Variants in UBR3 observed in about 807,000 individuals in gnomAD.
The protein encoded by UBR3 is E3 ubiquitin-protein ligase UBR3.
A neutral mutation model predicts 243.2 loss-of-function variants in UBR3; 85 were observed. The ratio of observed to expected loss-of-function variants is 0.35; its 90% CI spans 0.29 to 0.42. UBR3 has a LOEUF of 0.42. Among genes scored for constraint, UBR3 ranks in the 10% least tolerant of loss-of-function variants. UBR3 has a pLI of 1.00. For missense variants in UBR3, 1,686 were observed against 2,300.8 expected (o/e 0.73, Z 5.47); for synonymous variants, 748 against 799.8 (o/e 0.94, Z 1.09).
chr2:169,985,759 G>A (rs1302106683), intron 24 of UBR3, among the ~76,000 whole-genome samples: 9 of 151,940 alleles, frequency 5.9e-5, no homozygotes, highest in African/African-American at 1.9e-4. Flanking sequence ...TTTCCTCTCA[G>A]TCATTCTTCA....
chr2:170,041,545 TTATTA>T (rs1255914020), intron 32 of UBR3, among the ~76,000 whole-genome samples: 4 of 152,180 alleles, frequency 2.6e-5, no homozygotes, highest in African/African-American at 9.7e-5. Flanking sequence ...TATCATAACA[TTATTA>T]TATTAACAGC....
intron 1 of UBR3, among the ~76,000 whole-genome samples, chr2:169,845,546 TTCTTCTTTC>T (rs1380950491): frequency 6.8e-6 from 1 of 147,838 alleles, no homozygotes; most frequent in East Asian, 2.0e-4. Flanking sequence ...CTTCTTCTTC[TTCTTCTTTC>T]TTCTTCTTCT....
intron 3 of UBR3, 119 bp downstream of exon 3, chr2:169,876,068 GTTA>G (rs2083591809): frequency 3.0e-6 from 2 of 658,144 alleles, no homozygotes; most frequent in African/African-American, 3.9e-5. Flanking sequence ...AAAGCTGGAA[GTTA>G]TTAAGAGAAC....
At position 170,030,119 on chromosome 2, in the gene UBR3, C is replaced by T. The variant is rs146066038; in HGVS notation, c.4556+671C>T. ...ATATTTGATGTGTTTCACTCCATTT[C>T]AATCTTTCCTCTTTTTGATACAAAT... On this transcript the variant is annotated intron_variant, in intron 31 of 38. Coordinates refer to ENST00000272793, the MANE Select transcript of UBR3 (RefSeq NM_172070.4). 1.9e-4 allele frequency among the ~76,000 whole-genome samples: 29 copies of T among 152,158 alleles called. 1 individual carries two copies. The Middle Eastern group carries it at 0.01, about 54-fold the overall frequency.
intron 1 of UBR3, among the ~76,000 whole-genome samples, chr2:169,831,633 G>A (rs1467746044): frequency 6.6e-6 from 1 of 151,934 alleles, no homozygotes; most frequent in Non-Finnish European, 1.5e-5. Context: ...AATTTTCCTG[G>A]GCTATACAGC....
Position 169,927,387 on chromosome 2 carries a change from C to T in UBR3, c.2406C>T (p.His802=), listed in dbSNP as rs2085948661. 6.5e-7 allele frequency: 1 copy of T among 1,549,902 alleles called. No individual in the cohort carries two copies. ...VAQLCMNDRT[H]SSLLDLIPEN... ...AGCTGTGTATGAATGACAGGACACA[C>T]AGTTCATTGCTGGACCTCATATCCT... Residue 802 remains histidine, a synonymous_variant, in exon 17 of 39, where the codon CAC becomes CAT. Coordinates refer to ENST00000272793, the MANE Select transcript of UBR3 (RefSeq NM_172070.4).
At chr2:169,839,006 T>G (rs975347778) in intron 1 of UBR3, among the ~76,000 whole-genome samples, 2 of 152,180 alleles carry the variant, frequency 1.3e-5, no homozygotes, top group Non-Finnish European at 2.9e-5. Context: ...GATCCAGTAA[T>G]TCCACTACTG....
chr2:169,890,569 A>ATATATATGTG (rs2084321668), intron 5 of UBR3, among the ~76,000 whole-genome samples: 1 of 101,572 alleles, frequency 9.8e-6, no homozygotes, highest in Non-Finnish European at 2.0e-5. Flanking sequence ...ATATATGTGT[A>ATATATATGTG]TATATATATA....
At chr2:169,920,235 A>T (rs1030432359) in intron 11 of UBR3, among the ~76,000 whole-genome samples, 1 of 152,150 alleles carries the variant, frequency 6.6e-6, no homozygotes, top group African/African-American at 2.4e-5. Context: ...CAAACACCGC[A>T]TGTTCTCACT....
intron 10 of UBR3, among the ~76,000 whole-genome samples, chr2:169,910,065 G>C (rs1195153936): frequency 6.6e-6 from 1 of 152,048 alleles, no homozygotes; most frequent in African/African-American, 2.4e-5. Context: ...GCTTTAAATA[G>C]GTTAAGTTTG....
Position 169,942,464 on chromosome 2 carries a change from C to A in UBR3, c.2664-29C>A. The A allele has an allele frequency of 3.3e-6, 5 of 1,522,588 alleles. No homozygotes were observed. In the South Asian group the frequency reaches 6.3e-5, roughly 19 times the overall value. The allele number at this position is 1,522,588 out of a possible 1,614,324, so 94.3% of individuals were successfully genotyped here. A position where few individuals can be genotyped will look rare whatever the true frequency, so the allele number is the denominator to read the frequency against. On this transcript the variant is annotated intron_variant, in intron 19 of 38. Coordinates refer to ENST00000272793, the MANE Select transcript of UBR3 (RefSeq NM_172070.4). ...CACAGTTTGATTTTGAGGCTATCAT[C>A]TAATTCTAGTTTTGTTTTATTTTTA... is the stretch of plus-strand genomic sequence containing the variant.
At chr2:169,958,184 A>G (rs754650436) in intron 23 of UBR3, among the ~76,000 whole-genome samples, 2 of 152,170 alleles carry the variant, frequency 1.3e-5, no homozygotes, top group Non-Finnish European at 2.9e-5. Flanking sequence ...ATCTACCTTA[A>G]TTATTATTTC....
chr2:169,892,235 C>T (rs1045957811), intron 6 of UBR3, among the ~76,000 whole-genome samples: 9 of 152,154 alleles, frequency 5.9e-5, no homozygotes, highest in Admixed American at 5.9e-4. Context: ...TTTTCTGGCT[C>T]AGCAGAGAAC....
chr2:169,894,013 A>G (rs2084477288), intron 6 of UBR3, among the ~76,000 whole-genome samples: 1 of 151,996 alleles, frequency 6.6e-6, no homozygotes, highest in Non-Finnish European at 1.5e-5. Context: ...TTTTTAAATC[A>G]TTGTCATGCC....
chr2:170,006,486 T>C (rs2089916909), intron 27 of UBR3, among the ~76,000 whole-genome samples: 1 of 152,220 alleles, frequency 6.6e-6, no homozygotes, highest in Admixed American at 6.5e-5. Flanking sequence ...CTAACTCAGT[T>C]GTCCAATCAG....
At chr2:170,030,890 C>A (rs2090650217) in intron 31 of UBR3, among the ~76,000 whole-genome samples, 3 of 152,002 alleles carry the variant, frequency 2.0e-5, no homozygotes, top group African/African-American at 7.2e-5. Context: ...CATTCCCATC[C>A]ATTTGCATTT....
At chr2:170,043,671 A>T (rs912704964) in intron 32 of UBR3, among the ~76,000 whole-genome samples, 13 of 152,224 alleles carry the variant, frequency 8.5e-5, no homozygotes, top group Non-Finnish European at 1.6e-4. Context: ...ACTGTGTACC[A>T]GGTTGCTATG....
intron 20 of UBR3, among the ~76,000 whole-genome samples, chr2:169,944,345 TAAGTGAC>T (rs1186600665): frequency 6.6e-6 from 1 of 152,172 alleles, no homozygotes; most frequent in Admixed American, 6.5e-5. Flanking sequence ...TAATAATTAA[TAAGTGAC>T]AAGTAATTCA....
At position 169,926,671 on chromosome 2, in the gene UBR3, G is replaced by A. The variant is rs746396204; in HGVS notation, c.2152-21G>A. The A allele has an allele frequency of 1.6e-5, 24 of 1,525,790 alleles. No homozygotes were observed. The African/African-American group carries it at 2.8e-4, about 18-fold the overall frequency. 94.5% of individuals were successfully genotyped at this position (1,525,790 alleles called of 1,614,324 possible). A position where few individuals can be genotyped will look rare whatever the true frequency, so the allele number is the denominator to read the frequency against. On this transcript the variant is annotated intron_variant, in intron 14 of 38. Transcript: ENST00000272793. ...GGAAAACTGAATATTGAGAAATAAAGCATTTTGTTTTCTTTTAAAGGTTTG... is the reference window on the plus strand; with the variant it reads ...GGAAAACTGAATATTGAGAAATAAAACATTTTGTTTTCTTTTAAAGGTTTG...
Sources: gnomAD v4.1 joint callset for allele counts (sites outside exome capture counted in the v4.1 genomes callset) on GRCh38, gnomAD v4.1.1 for gene constraint, MANE v1.5 for transcripts, NCBI Gene and HGNC (gene_info 2026-07-23, HGNC 2026-07-21) for gene names.